The following FARP1 variants were observed in gnomAD, a reference collection of about 807,000 sequenced individuals.
The protein encoded by FARP1 is FERM, ARH/RhoGEF and pleckstrin domain protein 1.
FARP1 carries 52 observed loss-of-function variants against 128.8 expected under a neutral mutation model. That is an observed-to-expected ratio of 0.40 (90% CI 0.32 to 0.51). The LOEUF (loss-of-function observed/expected upper bound fraction) is 0.51, where lower values mean the gene tolerates loss of function less well. Among genes scored for constraint, FARP1 ranks in the 20% least tolerant of loss-of-function variants. The pLI, the probability that FARP1 is intolerant of heterozygous loss-of-function variation, is 0.45. For synonymous variants in FARP1, 580 were observed against 551.8 expected, an observed-to-expected ratio of 1.05 and a Z score of -0.72; for missense variants, 1,333 against 1,367.9, an observed-to-expected ratio of 0.97 and a Z score of 0.40.
chr13:98,425,691 G>A (rs1407932452), intron 17 of FARP1, among the ~76,000 whole-genome samples: 8 of 152,176 alleles, frequency 5.3e-5, no homozygotes, highest in East Asian at 1.9e-4. Context: ...ACCCCTGGTC[G>A]CAAATATGTT....
At chr13:98,350,889 C>G (rs1805491588) in intron 3 of FARP1, among the ~76,000 whole-genome samples, 1 of 152,156 alleles carries the variant, frequency 6.6e-6, no homozygotes, top group Middle Eastern at 3.2e-3. Context: ...CAGGAGGCAA[C>G]AGTCACCTTC....
intron 8 of FARP1, 91 bp from the exon 9 acceptor site, chr13:98,388,292 C>G (rs1401322775): frequency 1.3e-5 from 12 of 906,962 alleles, no homozygotes; most frequent in Non-Finnish European, 2.2e-5. Flanking sequence ...CCTGCCAGCC[C>G]TCTTCCTTTA....
intron 6 of FARP1, among the ~76,000 whole-genome samples, chr13:98,379,143 C>G (rs1360468990): frequency 2.1e-5 from 1 of 48,114 alleles, no homozygotes; most frequent in Non-Finnish European, 3.3e-5. Flanking sequence ...AATATATAAT[C>G]TATATATAAT....
At chr13:98,240,664 G>A (rs1217365874) in intron 2 of FARP1, among the ~76,000 whole-genome samples, 16 of 152,256 alleles carry the variant, frequency 1.1e-4, no homozygotes, top group Admixed American at 9.2e-4. Flanking sequence ...GAGGTGGTCC[G>A]CCTGCGGACG....
At chr13:98,407,810 G>T (rs1202290147) in intron 13 of FARP1, among the ~76,000 whole-genome samples, 1 of 152,138 alleles carries the variant, frequency 6.6e-6, no homozygotes, top group Non-Finnish European at 1.5e-5. Flanking sequence ...AAGGGTGGGG[G>T]CTGGTGGTGG....
rs138975789 is a variant in FARP1, at chr13:98,446,698, C to A, written c.2937C>A (p.Leu979=). Residue 979 remains leucine (L), a synonymous_variant, in exon 26 of 27, where the codon CTC becomes CTA. Coordinates refer to ENST00000319562, the MANE Select transcript of FARP1 (RefSeq NM_005766.4). ...ATCCCCTTGCCAGCCTGCCTCTGCT[C>A]GGCTACTCGCTCACCATCCCCTCTG... is the stretch of plus-strand genomic sequence containing the variant. The part of the protein sequence containing the change: ...DNHPLASLPL[L]GYSLTIPSES... 5 of 1,613,998 alleles carry A rather than the reference C, an allele frequency of 3.1e-6. No homozygotes were observed. The highest frequency in any genetic ancestry group is 4.2e-6 in the Non-Finnish European group (5 of 1,180,018).
At chr13:98,312,221 A>G (rs113861045) in intron 2 of FARP1, among the ~76,000 whole-genome samples, 5,987 of 141,880 alleles carry the variant, frequency 0.042, 208 homozygotes, top group African/African-American at 0.1. Context: ...GCTCACTGCA[A>G]GCTCCACCTC....
chr13:98,409,629 G>A (rs964583378), intron 14 of FARP1, 104 bp downstream of exon 14: 15 of 1,062,752 alleles, frequency 1.4e-5, no homozygotes, highest in Admixed American at 5.9e-5. Flanking sequence ...AAGGTACCAT[G>A]TGAGCCATTT....
chr13:98,340,031 A>G (rs1335490655), intron 2 of FARP1, among the ~76,000 whole-genome samples: 1 of 151,946 alleles, frequency 6.6e-6, no homozygotes. Context: ...CCCCTCTTCT[A>G]AAGCGCTCAG....
In FARP1 at chr13:98,298,273, T is replaced by G. The variant is rs145798588; in HGVS notation, c.172-45489T>G. 1.0e-3 allele frequency among the ~76,000 whole-genome samples: 154 copies of G among 152,364 alleles called. 1 individual carries two copies. Among genetic ancestry groups the G allele is most frequent in the Non-Finnish European group, 1.8e-3 (125 of 68,034 alleles). ...AAGGAAAAGGGAAGACACCATGGCT[T>G]GTGTTTAAATACATTGCCTTGGGAT... is the stretch of plus-strand genomic sequence containing the variant. On this transcript the variant is annotated intron_variant, in intron 2 of 26. Transcript: ENST00000319562.
chr13:98,174,171 A>G lies in FARP1; in HGVS notation c.-24+30679A>G, dbSNP rs1183837074. Among the ~76,000 whole-genome samples, 6 of 152,386 alleles carry G rather than the reference A, an allele frequency of 3.9e-5. No homozygotes were observed. The South Asian group carries it at 1.0e-3, about 26-fold the overall frequency. On this transcript the variant is annotated intron_variant, in intron 1 of 26. Transcript: ENST00000319562. ...GTAAACCAAATTGCCAAATTCGGCA[A>G]CGCTTACTAGTGATCGCCTTTCTGC...
intron 2 of FARP1, among the ~76,000 whole-genome samples, chr13:98,294,525 G>A (rs1364064409): frequency 6.6e-6 from 1 of 152,186 alleles, no homozygotes; most frequent in Non-Finnish European, 1.5e-5. Context: ...GGTGAGGACA[G>A]TGCTTGCTTA....
intron 2 of FARP1, among the ~76,000 whole-genome samples, chr13:98,303,764 G>A (rs1313771897): frequency 5.3e-5 from 8 of 152,192 alleles, no homozygotes; most frequent in Non-Finnish European, 1.0e-4. Context: ...TGTGTAACAG[G>A]AGTGGAATTC....
In FARP1 at chr13:98,440,302, C is replaced by T. The variant is rs1047990864; in HGVS notation, c.2629+67C>T. 9.6e-5 allele frequency: 110 copies of T among 1,144,684 alleles called. No homozygotes were observed. The African/African-American group carries it at 1.6e-3, about 17-fold the overall frequency. The allele number at this position is 1,144,684 out of a possible 1,614,324, so 70.9% of individuals were successfully genotyped here. A position where few individuals can be genotyped will look rare whatever the true frequency, so the allele number is the denominator to read the frequency against. On this transcript the variant is annotated intron_variant, in intron 23 of 26. Coordinates refer to ENST00000319562, the MANE Select transcript of FARP1 (RefSeq NM_005766.4). ...TCATGGAGGGACAGCATTTCTGCAT[C>T]TAAAGCCACCCCATCGGGTAGGCCT...
chr13:98,225,780 C>T (rs952055566), intron 2 of FARP1, among the ~76,000 whole-genome samples: 9 of 152,208 alleles, frequency 5.9e-5, no homozygotes, highest in African/African-American at 1.9e-4. Flanking sequence ...AGCTTCCAAA[C>T]TTATTTTTGC....
At chr13:98,289,358 T>C (rs1241781132) in intron 2 of FARP1, among the ~76,000 whole-genome samples, 3 of 152,202 alleles carry the variant, frequency 2.0e-5, no homozygotes, top group African/African-American at 7.2e-5. Flanking sequence ...GGAAGACCGT[T>C]TCATTCCCGC....
intron 2 of FARP1, chr13:98,244,763 T>A (rs1882971559): frequency 6.3e-7 from 1 of 1,598,288 alleles, no homozygotes; most frequent in Admixed American, 1.7e-5. Flanking sequence ...TGATTGGCAA[T>A]GGCCAGAGTT....
At chr13:98,383,656 A>T (rs1176107528) in intron 6 of FARP1, 1 of 152,230 alleles carries the variant, frequency 6.6e-6, no homozygotes, top group Non-Finnish European at 1.5e-5. Context: ...GAAGCTTGTT[A>T]TACAGTATAT....
intron 3 of FARP1, among the ~76,000 whole-genome samples, chr13:98,364,223 T>G (rs1223254902): frequency 1.3e-5 from 2 of 152,178 alleles, no homozygotes; most frequent in Non-Finnish European, 2.9e-5. Context: ...AGGGCTTAGG[T>G]CCTGATTCTC....
Sources: gnomAD v4.1 joint callset for allele counts (sites outside exome capture counted in the v4.1 genomes callset) on GRCh38, gnomAD v4.1.1 for gene constraint, MANE v1.5 for transcripts, NCBI Gene and HGNC (gene_info 2026-07-23, HGNC 2026-07-21) for gene names.